TSPAN12: variants seen among roughly 807,000 people sequenced by gnomAD.
TSPAN12 encodes the protein tetraspanin-12.
Under a neutral mutation model 39.2 loss-of-function variants are expected in TSPAN12, and 19 were observed. That is an observed-to-expected ratio of 0.49 (90% confidence interval 0.34 to 0.71). TSPAN12 has a LOEUF of 0.71. TSPAN12 is among the 30% of genes least tolerant of loss of function. The pLI is 0.01. For synonymous variants in TSPAN12, 119 were observed against 124.8 expected, an observed-to-expected ratio of 0.95 and a Z score of 0.31; for missense variants, 314 against 359.9, an observed-to-expected ratio of 0.87 and a Z score of 1.03.
intron 1 of TSPAN12, chr7:120,857,402 C>A (rs1307312236): frequency 6.5e-6 from 1 of 152,960 alleles, no homozygotes; most frequent in East Asian, 1.9e-4. Context: ...GGCGAGGGGG[C>A]AGCGCGGAGT....
intron 5 of TSPAN12, 111 bp from the exon 6 acceptor site, chr7:120,810,681 T>C: frequency 1.4e-6 from 1 of 731,556 alleles, no homozygotes; most frequent in South Asian, 1.5e-5. Context: ...CGGAATGTCT[T>C]CTAATTGACA....
intron 7 of TSPAN12, among the ~76,000 whole-genome samples, chr7:120,798,311 G>C (rs554957300): frequency 6.6e-6 from 1 of 152,104 alleles, no homozygotes; most frequent in Non-Finnish European, 1.5e-5. Flanking sequence ...AGATACCACC[G>C]CAAGTCACAG....
intron 2 of TSPAN12, among the ~76,000 whole-genome samples, chr7:120,855,999 C>A (rs1199101749): frequency 1.3e-5 from 2 of 152,140 alleles, no homozygotes; most frequent in Non-Finnish European, 2.9e-5. Flanking sequence ...GATTATTAAT[C>A]ATACTTTATT....
chr7:120,811,439 C>T (rs542183657), intron 5 of TSPAN12, among the ~76,000 whole-genome samples: 2 of 152,020 alleles, frequency 1.3e-5, no homozygotes, highest in East Asian at 1.9e-4. Context: ...GAGGCCAAGA[C>T]GGGCGGATCA....
At chr7:120,840,517 A>C (rs1794557915) in intron 2 of TSPAN12, among the ~76,000 whole-genome samples, 1 of 152,214 alleles carries the variant, frequency 6.6e-6, no homozygotes, top group Non-Finnish European at 1.5e-5. Flanking sequence ...TTAATTTAAA[A>C]CGACTTCTAT....
intron 3 of TSPAN12, 136 bp downstream of exon 3, chr7:120,839,891 T>C (rs1429126739): frequency 2.9e-6 from 2 of 701,406 alleles, no homozygotes; most frequent in Non-Finnish European, 5.2e-6. Context: ...AGGATGCAAG[T>C]GTCTGTGACA....
intron 7 of TSPAN12, among the ~76,000 whole-genome samples, chr7:120,793,842 A>G (rs960071656): frequency 6.6e-6 from 1 of 152,260 alleles, no homozygotes; most frequent in Non-Finnish European, 1.5e-5. Context: ...GCTCTATAAA[A>G]TTTGTGAAAA....
At chr7:120,807,931 C>CA (rs1268095930) in intron 6 of TSPAN12, among the ~76,000 whole-genome samples, 7 of 152,062 alleles carry the variant, frequency 4.6e-5, no homozygotes, top group Non-Finnish European at 1.0e-4. Flanking sequence ...ATAAACATCA[C>CA]AAATTTAGTC....
rs931651994 is a variant in TSPAN12, at chr7:120,857,879, G to C, written c.-130C>G. ...GGGGATAGTCGGGGACGCACGGCGG[G>C]GGCTCATCGGGGCAGGGAACTTCTT... On this transcript the variant is annotated 5_prime_UTR_variant, in exon 1 of 8. Transcript: ENST00000222747. 1 of 152,334 alleles carries C rather than the reference G, an allele frequency of 6.6e-6. No homozygotes were observed. The highest frequency in any genetic ancestry group is 2.4e-5 in the African/African-American group (1 of 41,430). 9.4% of individuals were successfully genotyped at this position (152,334 alleles called of 1,614,324 possible). A position where few individuals can be genotyped will look rare whatever the true frequency, so the allele number is the denominator to read the frequency against.
At chr7:120,832,353 T>G (rs1273147582) in intron 4 of TSPAN12, among the ~76,000 whole-genome samples, 5 of 152,112 alleles carry the variant, frequency 3.3e-5, no homozygotes, top group African/African-American at 9.7e-5. Flanking sequence ...GATAAAGACC[T>G]TCACAATTGG....
intron 4 of TSPAN12, among the ~76,000 whole-genome samples, chr7:120,834,633 C>A (rs576294337): frequency 6.6e-6 from 1 of 152,132 alleles, no homozygotes; most frequent in African/African-American, 2.4e-5. Context: ...CTCTGAGATA[C>A]CAATTGTCTT....
chr7:120,842,114 C>T (rs1794589309), intron 2 of TSPAN12, among the ~76,000 whole-genome samples: 1 of 152,146 alleles, frequency 6.6e-6, no homozygotes, highest in South Asian at 2.1e-4. Context: ...GCTTTAAATG[C>T]TGATACAATG....
chr7:120,812,863 A>G (rs1352203487), intron 5 of TSPAN12, among the ~76,000 whole-genome samples: 1 of 152,228 alleles, frequency 6.6e-6, no homozygotes, highest in Non-Finnish European at 1.5e-5. Flanking sequence ...GAGAAGGAAT[A>G]ATGAATAGAA....
chr7:120,837,315 A>AT (rs554562744), intron 4 of TSPAN12, among the ~76,000 whole-genome samples: 44,545 of 140,974 alleles, frequency 0.32, 7,446 homozygotes, highest in African/African-American at 0.45. Flanking sequence ...TCATTTATTT[A>AT]TTTTTTTTTT....
Position 120,788,502 on chromosome 7 carries a change from T to G in TSPAN12, c.*90A>C. On this transcript the variant is annotated 3_prime_UTR_variant, in exon 8 of 8. Transcript: ENST00000222747. ...TGTTATTTTATGGCAACATTTTTATTTCTACATATTTCTGAAACACATAGT... is the reference window on the plus strand; with the variant it reads ...TGTTATTTTATGGCAACATTTTTATGTCTACATATTTCTGAAACACATAGT... 1 of 1,470,232 alleles carries G rather than the reference T, an allele frequency of 6.8e-7. No homozygotes were observed. The highest frequency in any genetic ancestry group is 9.5e-7 in the Non-Finnish European group (1 of 1,054,544). The allele number at this position is 1,470,232 out of a possible 1,614,324, so 91.1% of individuals were successfully genotyped here.
In TSPAN12 at chr7:120,831,308, G is replaced by A. The variant is rs115850952; in HGVS notation, c.285+7469C>T. On this transcript the variant is annotated intron_variant, in intron 4 of 7. Transcript: ENST00000222747. ...CTCACTTCTGAGTGTACATCCAAAC[G>A]AAATGAATAGGAATGCCACAGAGAT... Among the ~76,000 whole-genome samples, 1,459 of 152,024 alleles carry A rather than the reference G, an allele frequency of 9.6e-3. 22 individuals carry two copies. Among genetic ancestry groups the A allele is most frequent in the African/African-American group, 0.033 (1,372 of 41,512 alleles).
intron 4 of TSPAN12, among the ~76,000 whole-genome samples, chr7:120,824,268 T>C (rs1300531347): frequency 4.2e-5 from 5 of 119,892 alleles, no homozygotes; most frequent in African/African-American, 1.3e-4. Context: ...CCATCTCTAC[T>C]AAAAATGCAA....
At chr7:120,851,619 A>C (rs903485885) in intron 2 of TSPAN12, among the ~76,000 whole-genome samples, 5 of 152,244 alleles carry the variant, frequency 3.3e-5, no homozygotes, top group Non-Finnish European at 7.3e-5. Context: ...AAAGCTACAG[A>C]AACTGTCTTT....
At chr7:120,855,982 A>AC (rs1421340831) in intron 2 of TSPAN12, among the ~76,000 whole-genome samples, 1 of 152,228 alleles carries the variant, frequency 6.6e-6, no homozygotes. Flanking sequence ...TTTATAAGTA[A>AC]TAATACGATT....
Sources: gnomAD v4.1 joint callset for allele counts (sites outside exome capture counted in the v4.1 genomes callset) on GRCh38, gnomAD v4.1.1 for gene constraint, MANE v1.5 for transcripts, NCBI Gene and HGNC (gene_info 2026-07-23, HGNC 2026-07-21) for gene names.